LHPP: variants seen among roughly 807,000 people sequenced by gnomAD.
The protein encoded by LHPP is phospholysine phosphohistidine inorganic pyrophosphate phosphatase.
In LHPP, 24 loss-of-function variants were observed where a neutral mutation model predicts 30.3. That is an observed-to-expected ratio of 0.79 (90% CI 0.57 to 1.11). The LOEUF (loss-of-function observed/expected upper bound fraction) is 1.11. LHPP is among the 50% of genes most tolerant of loss of function. The probability of loss-of-function intolerance (pLI) is 0.00; values close to 1 mark genes in which losing one functional copy is unlikely to be tolerated. For missense variants in LHPP, 356 were observed against 367.2 expected, an observed-to-expected ratio of 0.97 and a Z score of 0.25; for synonymous variants, 150 against 157.1, an observed-to-expected ratio of 0.95 and a Z score of 0.34.
intron 6 of LHPP, among the ~76,000 whole-genome samples, chr10:124,529,035 T>C (rs1589832864): frequency 6.9e-6 from 1 of 144,298 alleles, no homozygotes; most frequent in Non-Finnish European, 1.5e-5. Context: ...TCTTTTTTTT[T>C]TTTTTTTTTT....
At chr10:124,612,092 T>C (rs534868799) in intron 6 of LHPP, among the ~76,000 whole-genome samples, 30 of 152,116 alleles carry the variant, frequency 2.0e-4, no homozygotes, top group African/African-American at 6.5e-4. Context: ...AGGTGCCACT[T>C]CCTCAAATGA....
At position 124,541,554 on chromosome 10, in the gene LHPP, T is replaced by C. The variant is rs952063047; in HGVS notation, c.716+24283T>C. ...CCCTAGCATATCTCGAATGGCAGGC[T>C]GAGGCTCGAAAGTCTCATGCCTGTC... On this transcript the variant is annotated intron_variant, in intron 6 of 6. Transcript: ENST00000368842. This position sits in a 1 kb window ranked among gnomAD's most constrained non-coding sequence, Gnocchi z 4.2. 6.6e-6 allele frequency among the ~76,000 whole-genome samples: 1 copy of C among 152,082 alleles called. No individual in the cohort carries two copies. Among genetic ancestry groups the C allele is most frequent in the African/African-American group, 2.4e-5 (1 of 41,406 alleles).
intron 6 of LHPP, among the ~76,000 whole-genome samples, chr10:124,581,729 A>G (rs1369431353): frequency 6.6e-6 from 1 of 152,014 alleles, no homozygotes; most frequent in Non-Finnish European, 1.5e-5. Context: ...ATGTCTATTC[A>G]AATTTTTTGC....
intron 6 of LHPP, among the ~76,000 whole-genome samples, chr10:124,579,270 A>G (rs2133989648): frequency 6.6e-6 from 1 of 152,356 alleles, no homozygotes; most frequent in African/African-American, 2.4e-5. Flanking sequence ...CCTGCCTGGG[A>G]GGCAGTCAAC....
At chr10:124,612,557 T>C (rs1353322933) in intron 6 of LHPP, among the ~76,000 whole-genome samples, 1 of 152,200 alleles carries the variant, frequency 6.6e-6, no homozygotes, top group Non-Finnish European at 1.5e-5. Flanking sequence ...CAAAGTCCCC[T>C]GGCAGGGCCC....
intron 6 of LHPP, among the ~76,000 whole-genome samples, chr10:124,555,280 G>A (rs1048079086): frequency 6.6e-6 from 1 of 152,194 alleles, no homozygotes; most frequent in East Asian, 1.9e-4. Flanking sequence ...ACAGCCACAG[G>A]CCTGCAGGAG....
At chr10:124,475,936 G>A (rs1194330404) in intron 1 of LHPP, among the ~76,000 whole-genome samples, 1 of 152,138 alleles carries the variant, frequency 6.6e-6, no homozygotes, top group Non-Finnish European at 1.5e-5. Flanking sequence ...TCTGGCTGCC[G>A]ATTCCCATGT....
At chr10:124,485,076 C>G (rs145494212) in intron 2 of LHPP, among the ~76,000 whole-genome samples, 220 of 152,082 alleles carry the variant, frequency 1.4e-3, no homozygotes, top group African/African-American at 5.0e-3. Context: ...ATGGTTTTTT[C>G]CTTTCCAGGG....
At chr10:124,587,752 A>C (rs1323245787) in intron 6 of LHPP, among the ~76,000 whole-genome samples, 2 of 150,552 alleles carry the variant, frequency 1.3e-5, no homozygotes, top group South Asian at 2.1e-4. Context: ...AAAAAAAAAA[A>C]AAAAAAAAAA....
chr10:124,560,100 A>G (rs1019888458), intron 6 of LHPP, among the ~76,000 whole-genome samples: 2 of 152,272 alleles, frequency 1.3e-5, no homozygotes, highest in African/African-American at 4.8e-5. Context: ...GAATAACCTC[A>G]GGTCCAGGTG....
intron 3 of LHPP, among the ~76,000 whole-genome samples, chr10:124,489,652 C>T (rs1166332660): frequency 6.6e-6 from 1 of 152,172 alleles, no homozygotes; most frequent in Non-Finnish European, 1.5e-5. Flanking sequence ...CGGGGTTTCA[C>T]CATGTTGGCC....
At chr10:124,574,209 G>A (rs1465825019) in intron 6 of LHPP, among the ~76,000 whole-genome samples, 1 of 152,262 alleles carries the variant, frequency 6.6e-6, no homozygotes, top group Non-Finnish European at 1.5e-5. Flanking sequence ...AGAACAGTAA[G>A]TCGTTTTTGA....
At chr10:124,546,074 C>G (rs1482067595) in intron 6 of LHPP, 1 of 152,288 alleles carries the variant, frequency 6.6e-6, no homozygotes, top group Non-Finnish European at 1.5e-5. Context: ...GCACAAGACC[C>G]CTTCACACAG....
chr10:124,477,096 G>A (rs796241362), intron 1 of LHPP, among the ~76,000 whole-genome samples: 3 of 152,266 alleles, frequency 2.0e-5, no homozygotes, highest in Admixed American at 6.5e-5. Context: ...CCAACTACTC[G>A]GGAGGTTGAG....
intron 6 of LHPP, among the ~76,000 whole-genome samples, chr10:124,549,748 G>A (rs1415012021): frequency 6.6e-6 from 1 of 151,828 alleles, no homozygotes; most frequent in Non-Finnish European, 1.5e-5. Context: ...GGCATGGCCG[G>A]GGTGGGCATG....
At position 124,498,075 on chromosome 10, in the gene LHPP, TCTC is replaced by T. The variant is rs758308364; in HGVS notation, c.574_576del (p.Pro192del). On this transcript the variant is annotated inframe_deletion, in exon 5 of 7. Coordinates refer to ENST00000368842, the MANE Select transcript of LHPP (RefSeq NM_022126.4). ...CAAAGCCGAGGTGGTGGGGAAGCCT[TCTC>T]CTGAGTTTTTCAAGTCTGCCCTGCA... 6 of 1,614,152 alleles carry T rather than the reference TCTC, an allele frequency of 3.7e-6. No homozygotes were observed. Among genetic ancestry groups the T allele is most frequent in the South Asian group, 1.1e-5 (1 of 91,082 alleles).
chr10:124,481,243 A>G (rs966138567), intron 1 of LHPP, among the ~76,000 whole-genome samples: 1 of 152,122 alleles, frequency 6.6e-6, no homozygotes, highest in African/African-American at 2.4e-5. Context: ...GCAATGGCAC[A>G]CTGGATGGTG....
intron 2 of LHPP, 26 bp downstream of exon 2, chr10:124,484,352 C>T (rs373512122): frequency 4.4e-5 from 70 of 1,596,514 alleles, no homozygotes; most frequent in Non-Finnish European, 5.7e-5. Context: ...ACCAGGACCT[C>T]ACGGGGGTGA....
At chr10:124,553,943 C>G (rs1948237619) in intron 6 of LHPP, 1 of 985,320 alleles carries the variant, frequency 1.0e-6, no homozygotes, top group African/African-American at 1.7e-5. Flanking sequence ...GGGACAGAGC[C>G]CCCCTGTTGT....
Sources: gnomAD v4.1 joint callset for allele counts (sites outside exome capture counted in the v4.1 genomes callset) on GRCh38, gnomAD v4.1.1 for gene constraint, Gnocchi (gnomAD v3.1) non-coding constraint, MANE v1.5 for transcripts, NCBI Gene and HGNC (gene_info 2026-07-23, HGNC 2026-07-21) for gene names.